The following PLPP5 variants were observed in gnomAD, a reference collection of about 807,000 sequenced individuals.
The protein encoded by PLPP5 is phospholipid phosphatase 5.
Under a neutral mutation model 23.6 loss-of-function variants are expected in PLPP5, and 29 were observed. That is an observed-to-expected ratio of 1.23 (90% CI 0.92 to 1.68). The LOEUF (loss-of-function observed/expected upper bound fraction) is 1.68. Ranked by LOEUF, PLPP5 falls within the 40% of genes most tolerant of loss-of-function variation. PLPP5 has a pLI of 0.00. For missense variants in PLPP5, 315 were observed against 332.1 expected (o/e 0.95, Z 0.40); for synonymous variants, 143 against 131.3 (o/e 1.09, Z -0.61).
chr8:38,264,826 A>G, intron 6 of PLPP5: 2 of 1,569,774 alleles, frequency 1.3e-6, no homozygotes, highest in South Asian at 1.2e-5. Context: ...AAATCAAAAC[A>G]CATCTTAAGT....
At chr8:38,267,168 A>G in intron 5 of PLPP5, 99 bp downstream of exon 5, 1 of 1,601,990 alleles carries the variant, frequency 6.2e-7, no homozygotes, top group Non-Finnish European at 8.5e-7. Context: ...CAAATTGTAG[A>G]AACAAGAGTA....
chr8:38,263,350 C>CT lies in PLPP5; in HGVS notation c.*1093dup, dbSNP rs1563321808. 4 of 980,364 alleles carry CT rather than the reference C, an allele frequency of 4.1e-6. No homozygotes were observed. The highest frequency in any genetic ancestry group is 3.6e-6 in the Non-Finnish European group (3 of 825,548). 60.7% of individuals were successfully genotyped at this position (980,364 alleles called of 1,614,324 possible). A position where few individuals can be genotyped will look rare whatever the true frequency, so the allele number is the denominator to read the frequency against. Reference sequence around the variant, plus strand: ...TCATCTGTCCTTCAGATGACGATACCTGTCATTTTTCTTTTCTACCTTAGT... The same window carrying CT: ...TCATCTGTCCTTCAGATGACGATACCTTGTCATTTTTCTTTTCTACCTTAGT... On this transcript the variant is annotated 3_prime_UTR_variant, in exon 7 of 7. Transcript: ENST00000424479.
chr8:38,267,044 T>C, intron 5 of PLPP5: 1 of 1,416,768 alleles, frequency 7.1e-7, no homozygotes, highest in Non-Finnish European at 9.2e-7. Context: ...AATATAACAA[T>C]TAAATGTGCA....
In PLPP5 at chr8:38,263,582, C is replaced by T; in HGVS notation, c.*862G>A. The T allele has an allele frequency of 1.0e-6, 1 of 985,326 alleles. No homozygotes were observed. The highest frequency in any genetic ancestry group is 4.7e-5 in the South Asian group (1 of 21,278). The allele number at this position is 985,326 out of a possible 1,614,324, so 61.0% of individuals were successfully genotyped here. On this transcript the variant is annotated 3_prime_UTR_variant, in exon 7 of 7. Coordinates refer to ENST00000424479, the MANE Select transcript of PLPP5 (RefSeq NM_001102559.2). Reference sequence around the variant, plus strand: ...TGCCCACGGTGTTCAAAATGCACAGCAGTACCAGATGGCTGGACTCAGATA... The same window carrying T: ...TGCCCACGGTGTTCAAAATGCACAGTAGTACCAGATGGCTGGACTCAGATA...
chr8:38,265,095 GTC>G lies in PLPP5; in HGVS notation c.635-493_635-492del, dbSNP rs1448516908. 3.5e-5 allele frequency: 22 copies of G among 633,364 alleles called. No individual in the cohort carries two copies. The East Asian group carries it at 5.6e-4, about 16-fold the overall frequency. 39.2% of individuals were successfully genotyped at this position (633,364 alleles called of 1,614,324 possible). A position where few individuals can be genotyped will look rare whatever the true frequency, so the allele number is the denominator to read the frequency against. On this transcript the variant is annotated intron_variant, in intron 6 of 6. Transcript: ENST00000424479. ...CAGCCTGACCAACAAGTGAAACCCT[GTC>G]TCTACTAAAAATACAAAAATTAGCC...
In PLPP5 at chr8:38,269,206, G is replaced by A. The variant is rs781738657; in HGVS notation, c.-7C>T. 5.3e-6 allele frequency: 8 copies of A among 1,497,300 alleles called. No individual in the cohort carries two copies. In the African/African-American group the frequency reaches 8.7e-5, roughly 16 times the overall value. The allele number at this position is 1,497,300 out of a possible 1,614,324, so 92.8% of individuals were successfully genotyped here. On this transcript the variant is annotated 5_prime_UTR_variant, in exon 1 of 7. Coordinates refer to ENST00000424479, the MANE Select transcript of PLPP5 (RefSeq NM_001102559.2). ...CCGCCGCCGCCTTCCCCATCCGGCC[G>A]CGAGCTCCGAGCGACGCTGCGCTGA... is the stretch of plus-strand genomic sequence containing the variant.
At chr8:38,268,026 A>G (rs928761066) in intron 3 of PLPP5, 66 bp from the exon 4 acceptor site, 1 of 1,611,898 alleles carries the variant, frequency 6.2e-7, no homozygotes, top group Non-Finnish European at 8.5e-7. Context: ...TGGCCTCGTT[A>G]TGAGAGCAGC....
rs763388653 is a variant in PLPP5 at position 38,268,877 on chromosome 8, C to T, written c.183+5G>A. The stretch of plus-strand genomic sequence containing the variant: ...AGGGAGGAAAGACGATCTTTCTCCA[C>T]GCACAAACATCGGCTTGGTGGGGAA... On this transcript the variant is annotated splice_donor_5th_base_variant and intron_variant, in intron 2 of 6. Transcript: ENST00000424479. 5.2e-6 allele frequency: 8 copies of T among 1,549,362 alleles called. No homozygotes were observed. The highest frequency in any genetic ancestry group is 6.9e-6 in the Non-Finnish European group (8 of 1,152,012).
chr8:38,263,829 C>A lies in PLPP5; in HGVS notation c.*615G>T. The stretch of plus-strand genomic sequence containing the variant: ...TGTAAAGGCTTCTTTGTGACAAGAT[C>A]CTTCTAAGAATGGCATTTAAATTAA... On this transcript the variant is annotated 3_prime_UTR_variant, in exon 7 of 7. Transcript: ENST00000424479. 2.0e-6 allele frequency: 2 copies of A among 985,002 alleles called. No homozygotes were observed. The highest frequency in any genetic ancestry group is 2.4e-6 in the Non-Finnish European group (2 of 829,594). 61.0% of individuals were successfully genotyped at this position (985,002 alleles called of 1,614,324 possible).
At chr8:38,268,493 C>A (rs1254256158) in intron 2 of PLPP5, 32 bp from the exon 3 acceptor site, 3 of 1,549,582 alleles carry the variant, frequency 1.9e-6, no homozygotes, top group Admixed American at 2.0e-5. Flanking sequence ...TAAAAACAAT[C>A]CAAAAAAAAG....
intron 5 of PLPP5, 153 bp downstream of exon 5, chr8:38,267,114 C>G: frequency 6.6e-7 from 1 of 1,504,982 alleles, no homozygotes; most frequent in Non-Finnish European, 8.9e-7. Flanking sequence ...AGTCAAGGCT[C>G]AGACTTGTTA....
chr8:38,267,320 T>TC lies in PLPP5; in HGVS notation c.409dup (p.Asp137GlyfsTer2), dbSNP rs1563327569. 1.2e-6 allele frequency: 2 copies of TC among 1,613,948 alleles called. No individual in the cohort carries two copies. Among genetic ancestry groups the TC allele is most frequent in the South Asian group, 2.2e-5 (2 of 91,074 alleles). On this transcript the variant is annotated frameshift_variant, in exon 5 of 7. Coordinates refer to ENST00000424479, the MANE Select transcript of PLPP5 (RefSeq NM_001102559.2). LOFTEE classifies it high-confidence loss of function. Reference sequence around the variant, plus strand: ...TCGGCCCTCATTCACCACGTCCTTATCCCCTGTACACATCAAGTCAGAATG... The same window carrying TC: ...TCGGCCCTCATTCACCACGTCCTTATCCCCCTGTACACATCAAGTCAGAATG...
Position 38,266,312 on chromosome 8 carries a change from C to A in PLPP5, c.464-1G>T. 2 of 1,609,970 alleles carry A rather than the reference C, an allele frequency of 1.2e-6. No individual in the cohort carries two copies. Among genetic ancestry groups the A allele is most frequent in the Non-Finnish European group, 1.7e-6 (2 of 1,177,816 alleles). On this transcript the variant is annotated splice_acceptor_variant, in intron 5 of 6. Coordinates refer to ENST00000424479, the MANE Select transcript of PLPP5 (RefSeq NM_001102559.2). LOFTEE classifies it high-confidence loss of function. ...GCAAAGGCCAGACCAGCAAATGCAA[C>A]TGGAACAAGAAAAACTTTTAAGTGG...
intron 6 of PLPP5, chr8:38,264,886 T>C: frequency 6.2e-7 from 1 of 1,612,686 alleles, no homozygotes; most frequent in Non-Finnish European, 8.5e-7. Context: ...TTTTTCTAAC[T>C]CAGAAGAGTA....
At chr8:38,265,507 T>TG (rs1258496647) in intron 6 of PLPP5, 2 of 152,110 alleles carry the variant, frequency 1.3e-5, no homozygotes, top group African/African-American at 4.8e-5. Flanking sequence ...GTCAGGCTGG[T>TG]CTTCAACTCC....
At chr8:38,267,757 C>T (rs117245448) in intron 4 of PLPP5, 140 bp downstream of exon 4, 3 of 879,800 alleles carry the variant, frequency 3.4e-6, no homozygotes, top group East Asian at 2.6e-5. Context: ...AGGGAGTAAG[C>T]GTTGAATGAC....
chr8:38,266,331 T>TAAG lies in PLPP5; in HGVS notation c.464-23_464-21dup. On this transcript the variant is annotated intron_variant, in intron 5 of 6. Transcript: ENST00000424479. ...ATGCAACTGGAACAAGAAAAACTTTTAAGTGGTTTGTCTTTTAAAGGAAGC... is the reference window on the plus strand; with the variant it reads ...ATGCAACTGGAACAAGAAAAACTTTTAAGAAGTGGTTTGTCTTTTAAAGGAAGC... The TAAG allele has an allele frequency of 6.2e-7, 1 of 1,602,992 alleles. No individual in the cohort carries two copies. Among genetic ancestry groups the TAAG allele is most frequent in the South Asian group, 1.1e-5 (1 of 89,564 alleles).
In PLPP5 at chr8:38,267,368, C is replaced by T. The variant is rs772090931; in HGVS notation, c.362G>A (p.Arg121His). Residue 121 changes from arginine (R) to histidine (H), a missense_variant, in exon 5 of 7, where the codon CGC becomes CAC. By Grantham distance (29) the Arg-to-His change is conservative (BLOSUM62 0). Transcript: ENST00000424479. ...VGRPRPDFFY[R>H]CFPDGLAHSD... Reference sequence around the variant, plus strand: ...ATGGGCTAGCCCATCAGGGAAGCAGCGGTAGAAGAAATCTGGGCGTGGCCT... The same window carrying T: ...ATGGGCTAGCCCATCAGGGAAGCAGTGGTAGAAGAAATCTGGGCGTGGCCT... 44 of 1,613,392 alleles carry T rather than the reference C, an allele frequency of 2.7e-5. No homozygotes were observed. The highest frequency in any genetic ancestry group is 6.7e-5 in the Admixed American group (4 of 59,902).
intron 4 of PLPP5, chr8:38,267,594 G>T: frequency 1.5e-6 from 1 of 663,902 alleles, no homozygotes; most frequent in Non-Finnish European, 2.5e-6. Context: ...GCCCATTCCA[G>T]CACATGATTA....
Sources: allele counts gnomAD v4.1 joint callset, GRCh38; gene constraint gnomAD v4.1.1; transcripts MANE v1.5; gene names NCBI Gene and HGNC (gene_info 2026-07-23, HGNC 2026-07-21).